ANKS6: variants seen among roughly 807,000 people sequenced by gnomAD.
ANKS6 encodes the protein ankyrin repeat and sterile alpha motif domain containing 6, also known as ankyrin repeat and SAM domain-containing protein 6.
ANKS6 carries 47 observed loss-of-function variants against 77.9 expected under a neutral mutation model. The observed-to-expected ratio is 0.60, with a 90% CI of 0.48 to 0.77. The LOEUF is 0.77. ANKS6 is among the 30% of genes least tolerant of loss of function. The pLI is 0.00. For missense variants in ANKS6, 1,150 were observed against 1,159.1 expected (o/e 0.99, Z 0.11); for synonymous variants, 488 against 501.7 (o/e 0.97, Z 0.37).
At position 98,736,049 on chromosome 9, in the gene ANKS6, C is replaced by CT; in HGVS notation, c.*469dup. Reference sequence around the variant, plus strand: ...TTGCTGGGAAGCCACTATGTGGAGACTGCACATCCTGGCCTCCTCTGCATC... The same window carrying CT: ...TTGCTGGGAAGCCACTATGTGGAGACTTGCACATCCTGGCCTCCTCTGCATC... On this transcript the variant is annotated 3_prime_UTR_variant, in exon 15 of 15. Coordinates refer to ENST00000353234, the MANE Select transcript of ANKS6 (RefSeq NM_173551.5). The CT allele has an allele frequency of 8.4e-7, 1 of 1,187,418 alleles. No individual in the cohort carries two copies. Among genetic ancestry groups the CT allele is most frequent in the Non-Finnish European group, 1.0e-6 (1 of 959,752 alleles). The allele number at this position is 1,187,418 out of a possible 1,614,324, so 73.6% of individuals were successfully genotyped here.
intron 11 of ANKS6, 68 bp downstream of exon 11, chr9:98,768,013 C>A: frequency 2.0e-6 from 3 of 1,524,220 alleles, no homozygotes; most frequent in Non-Finnish European, 8.8e-7. Flanking sequence ...CCCATGCTTC[C>A]CGGCAAGTGG....
At chr9:98,789,999 G>A (rs887272408) in intron 2 of ANKS6, 105 bp downstream of exon 2, 16 of 1,446,994 alleles carry the variant, frequency 1.1e-5, no homozygotes, top group Middle Eastern at 5.1e-4. Context: ...CTGCAGGGCT[G>A]GACTCTGAGT....
intron 13 of ANKS6, among the ~76,000 whole-genome samples, chr9:98,750,077 A>T (rs1243558229): frequency 6.6e-6 from 1 of 152,222 alleles, no homozygotes; most frequent in African/African-American, 2.4e-5. Flanking sequence ...GTATATTCAC[A>T]GAGTTGTGTA....
chr9:98,761,011 A>C (rs1832976113), intron 11 of ANKS6, among the ~76,000 whole-genome samples: 1 of 152,174 alleles, frequency 6.6e-6, no homozygotes, highest in African/African-American at 2.4e-5. Context: ...ATTAGCAATG[A>C]ATGGGAGTTC....
In ANKS6 at chr9:98,732,526, T is replaced by G; in HGVS notation, c.*3993A>C. The stretch of plus-strand genomic sequence containing the variant: ...CTGCTACCTCTTGCCGGAGGCAGTT[T>G]CTTCTGGCCTCACCCACCCAACCAT... On this transcript the variant is annotated 3_prime_UTR_variant, in exon 15 of 15. Transcript: ENST00000353234. The G allele has an allele frequency of 6.4e-7, 1 of 1,550,614 alleles. No individual in the cohort carries two copies. The highest frequency in any genetic ancestry group is 8.7e-7 in the Non-Finnish European group (1 of 1,146,994).
intron 12 of ANKS6, among the ~76,000 whole-genome samples, chr9:98,755,343 C>A (rs192722387): frequency 6.6e-6 from 1 of 152,208 alleles, no homozygotes; most frequent in Non-Finnish European, 1.5e-5. Flanking sequence ...GCCTGGACCC[C>A]AGGTCTCACC....
intron 14 of ANKS6, among the ~76,000 whole-genome samples, chr9:98,742,534 C>T (rs2131927698): frequency 6.6e-6 from 1 of 152,348 alleles, no homozygotes; most frequent in African/African-American, 2.4e-5. Context: ...TTCCAGAGGA[C>T]TTTATCTGGT....
intron 9 of ANKS6, among the ~76,000 whole-genome samples, chr9:98,772,680 C>T (rs553467554): frequency 9.2e-5 from 14 of 152,226 alleles, no homozygotes; most frequent in South Asian, 2.1e-4. Flanking sequence ...GTAAGCGAAA[C>T]AGAACACACT....
At chr9:98,744,860 C>A (rs1832031474) in intron 14 of ANKS6, among the ~76,000 whole-genome samples, 1 of 149,304 alleles carries the variant, frequency 6.7e-6, no homozygotes, top group Non-Finnish European at 1.5e-5. Context: ...CGCATTGTTG[C>A]TGGAAAAAAA....
intron 7 of ANKS6, among the ~76,000 whole-genome samples, chr9:98,778,023 G>C (rs1399770349): frequency 6.6e-6 from 1 of 152,150 alleles, no homozygotes; most frequent in East Asian, 1.9e-4. Flanking sequence ...TCTTGCCACT[G>C]GCCAGCACCT....
intron 14 of ANKS6, among the ~76,000 whole-genome samples, chr9:98,743,934 C>T (rs1407770192): frequency 7.2e-5 from 11 of 151,980 alleles, no homozygotes; most frequent in African/African-American, 1.7e-4. Flanking sequence ...GTTTCCTGGA[C>T]GATGCCCTTC....
intron 14 of ANKS6, among the ~76,000 whole-genome samples, chr9:98,739,848 G>T (rs374761808): frequency 2.2e-5 from 3 of 137,470 alleles, no homozygotes; most frequent in African/African-American, 8.3e-5. Context: ...TCCGCCCCCT[G>T]GGGTTCACGC....
intron 11 of ANKS6, among the ~76,000 whole-genome samples, chr9:98,759,522 T>C (rs1366935833): frequency 2.0e-5 from 3 of 152,210 alleles, no homozygotes; most frequent in Non-Finnish European, 4.4e-5. Context: ...CCCCAGATTG[T>C]TTTACCTGTG....
At position 98,734,277 on chromosome 9, in the gene ANKS6, C is replaced by A. The variant is rs1340171886; in HGVS notation, c.*2242G>T. The A allele has an allele frequency of 3.0e-6, 3 of 985,354 alleles. No homozygotes were observed. Among genetic ancestry groups the A allele is most frequent in the Middle Eastern group, 5.2e-4 (1 of 1,938 alleles). The allele number at this position is 985,354 out of a possible 1,614,324, so 61.0% of individuals were successfully genotyped here. ...TGTCCTGTCTGCAAAATGGGAATAG[C>A]CCCGCTCTGTCCAGGGTCATCCAAT... is the stretch of plus-strand genomic sequence containing the variant. On this transcript the variant is annotated 3_prime_UTR_variant, in exon 15 of 15. Transcript: ENST00000353234.
At chr9:98,750,466 T>C (rs1224626732) in intron 13 of ANKS6, among the ~76,000 whole-genome samples, 2 of 152,236 alleles carry the variant, frequency 1.3e-5, no homozygotes, top group Non-Finnish European at 2.9e-5. Context: ...TCATGAATAA[T>C]GTTGCTACAA....
chr9:98,735,925 C>A lies in ANKS6; in HGVS notation c.*594G>T. 1 of 1,230,934 alleles carries A rather than the reference C, an allele frequency of 8.1e-7. No homozygotes were observed. Among genetic ancestry groups the A allele is most frequent in the Non-Finnish European group, 1.0e-6 (1 of 988,080 alleles). 76.3% of individuals were successfully genotyped at this position (1,230,934 alleles called of 1,614,324 possible). On this transcript the variant is annotated 3_prime_UTR_variant, in exon 15 of 15. Transcript: ENST00000353234. ...AAAAAAGACTTCATCTGAGAGGTGA[C>A]TTGGACTAGGAGGGGCAAGTTAGAA...
Position 98,757,235 on chromosome 9 carries a change from C to G in ANKS6, c.2143-632G>C, listed in dbSNP as rs976033113. Reference sequence around the variant, plus strand: ...GCTGACATTGACACAACACTATTAACTAAACTACAGACTTCACTCTGTTTC... The same window carrying G: ...GCTGACATTGACACAACACTATTAAGTAAACTACAGACTTCACTCTGTTTC... On this transcript the variant is annotated intron_variant, in intron 11 of 14. Coordinates refer to ENST00000353234, the MANE Select transcript of ANKS6 (RefSeq NM_173551.5). Among the ~76,000 whole-genome samples the G allele has an allele frequency of 4.6e-5, 7 of 152,304 alleles. No individual in the cohort carries two copies. In the East Asian group the frequency reaches 7.7e-4, roughly 17 times the overall value.
At chr9:98,739,159 TA>T (rs1218390358) in intron 14 of ANKS6, among the ~76,000 whole-genome samples, 2 of 149,746 alleles carry the variant, frequency 1.3e-5, no homozygotes, top group Non-Finnish European at 3.0e-5. Context: ...AGACTACATA[TA>T]GGGGGCAGTG....
At chr9:98,779,450 A>G (rs923980462) in intron 6 of ANKS6, among the ~76,000 whole-genome samples, 2 of 152,184 alleles carry the variant, frequency 1.3e-5, no homozygotes, top group Non-Finnish European at 1.5e-5. Flanking sequence ...GCTCAGTACT[A>G]CATCATGCAG....
Sources: allele counts gnomAD v4.1 joint callset (sites outside exome capture counted in the v4.1 genomes callset), GRCh38; gene constraint gnomAD v4.1.1; transcripts MANE v1.5; gene names NCBI Gene and HGNC (gene_info 2026-07-23, HGNC 2026-07-21).